Variants in RIPOR2 observed in about 807,000 individuals in gnomAD.
The protein encoded by RIPOR2 is rho family-interacting cell polarization regulator 2.
RIPOR2 carries 39 observed loss-of-function variants against 114.5 expected under a neutral mutation model. The ratio of observed to expected loss-of-function variants is 0.34; its 90% CI spans 0.26 to 0.44. The LOEUF is 0.44. Among genes scored for constraint, RIPOR2 ranks in the 20% least tolerant of loss-of-function variants. The pLI, the probability that RIPOR2 is intolerant of heterozygous loss-of-function variation, is 1.00. For missense variants in RIPOR2, 1,007 were observed against 1,255.1 expected (o/e 0.80, Z 2.99); for synonymous variants, 445 against 484.4 (o/e 0.92, Z 1.07).
At chr6:24,953,886 G>C (rs1772903108) in intron 1 of RIPOR2, among the ~76,000 whole-genome samples, 2 of 125,942 alleles carry the variant, frequency 1.6e-5, no homozygotes, top group African/African-American at 2.6e-5. Flanking sequence ...ATTTCTAAAG[G>C]CTCCCCTGTC....
intron 1 of RIPOR2, among the ~76,000 whole-genome samples, chr6:24,919,097 C>T (rs1382674590): frequency 6.6e-6 from 1 of 152,222 alleles, no homozygotes; most frequent in African/African-American, 2.4e-5. Flanking sequence ...ACAGCTTGCT[C>T]AACCCACAAA....
intron 1 of RIPOR2, among the ~76,000 whole-genome samples, chr6:24,964,661 T>G (rs994640754): frequency 6.6e-6 from 1 of 152,156 alleles, no homozygotes; most frequent in Non-Finnish European, 1.5e-5. Context: ...GGCTGAGGAG[T>G]GCTGATGTAC....
At chr6:24,824,364 T>C (rs1759971157) in intron 19 of RIPOR2, among the ~76,000 whole-genome samples, 1 of 152,204 alleles carries the variant, frequency 6.6e-6, no homozygotes, top group Non-Finnish European at 1.5e-5. Flanking sequence ...ACACAAACGT[T>C]CCATTACATA....
rs1401528252 is a variant in RIPOR2 at position 24,964,524 on chromosome 6, T to A, written c.76+77327A>T. ...GTATGGCTGGATATATACCATAGTT[T>A]GTTTAGCAATTCCCCTACTGGGAGA... On this transcript the variant is annotated intron_variant, in intron 1 of 13. Transcript: ENST00000510784. 3.3e-5 allele frequency among the ~76,000 whole-genome samples: 5 copies of A among 152,352 alleles called. No homozygotes were observed. In the East Asian group the frequency reaches 7.7e-4, roughly 24 times the overall value.
chr6:24,817,936 C>T (rs557646623), intron 20 of RIPOR2, among the ~76,000 whole-genome samples: 1 of 150,832 alleles, frequency 6.6e-6, no homozygotes, highest in South Asian at 2.1e-4. Context: ...CATCTCATCT[C>T]CCTTTTAAAA....
At chr6:24,915,464 C>T (rs1769999012) in intron 1 of RIPOR2, among the ~76,000 whole-genome samples, 1 of 151,832 alleles carries the variant, frequency 6.6e-6, no homozygotes, top group East Asian at 1.9e-4. Context: ...AAGTGATTCT[C>T]CTGCCTCACC....
chr6:24,991,007 G>T (rs1774786421), intron 1 of RIPOR2, among the ~76,000 whole-genome samples: 1 of 152,172 alleles, frequency 6.6e-6, no homozygotes, highest in Non-Finnish European at 1.5e-5. Context: ...TGACCCACAT[G>T]TTCTCTGTCC....
chr6:24,840,417 T>C, intron 13 of RIPOR2: 5 of 1,240,006 alleles, frequency 4.0e-6, no homozygotes, highest in Non-Finnish European at 5.1e-6. Context: ...GAGCATTCTA[T>C]AATGCTGGCC....
intron 1 of RIPOR2, among the ~76,000 whole-genome samples, chr6:24,990,436 G>A (rs1774756515): frequency 6.6e-6 from 1 of 152,214 alleles, no homozygotes; most frequent in Non-Finnish European, 1.5e-5. Flanking sequence ...GTGATACCTG[G>A]ATGCTCAGAG....
intron 1 of RIPOR2, among the ~76,000 whole-genome samples, chr6:24,894,394 T>G (rs1767652451): frequency 6.6e-6 from 1 of 152,238 alleles, no homozygotes; most frequent in South Asian, 2.1e-4. Context: ...ACAAGATTGT[T>G]AGCAGAACTG....
At chr6:24,880,468 T>A (rs1766237455) in intron 1 of RIPOR2, among the ~76,000 whole-genome samples, 3 of 152,166 alleles carry the variant, frequency 2.0e-5, no homozygotes, top group Admixed American at 2.0e-4. Context: ...TGAGTGGTAG[T>A]CAGAAACATT....
chr6:24,849,803 A>G lies in RIPOR2; in HGVS notation c.1033T>C (p.Tyr345His). 1 of 1,613,332 alleles carries G rather than the reference A, an allele frequency of 6.2e-7. No homozygotes were observed. The highest frequency in any genetic ancestry group is 8.5e-7 in the Non-Finnish European group (1 of 1,179,386). ...TIKLNLEITW[Y>H]PFDVEDMTAS... ...TGAAATAAAGGAAGAGGCACTTACTACCAGGTGATTTCCAGGTTCAGTTTG... is the reference window on the plus strand; with the variant it reads ...TGAAATAAAGGAAGAGGCACTTACTGCCAGGTGATTTCCAGGTTCAGTTTG... The change falls in exon 11 of 22, where the codon TAT becomes CAT. Residue 345 changes from tyrosine (Y) to histidine (H), a missense_variant and splice_region_variant. By Grantham distance (83) the Tyr-to-His change is moderately conservative. Transcript: ENST00000643898.
intron 1 of RIPOR2, among the ~76,000 whole-genome samples, chr6:24,917,890 C>T (rs1770199943): frequency 2.0e-5 from 3 of 152,154 alleles, no homozygotes; most frequent in Non-Finnish European, 2.9e-5. Flanking sequence ...TCCTTTTTCT[C>T]TCATGATCAG....
chr6:25,033,726 A>G (rs143188243), intron 1 of RIPOR2, among the ~76,000 whole-genome samples: 1 of 152,342 alleles, frequency 6.6e-6, no homozygotes, highest in African/African-American at 2.4e-5. Context: ...CACATCCTAC[A>G]GGCTCCCAAC....
intron 18 of RIPOR2, among the ~76,000 whole-genome samples, chr6:24,826,010 T>C (rs1760154763): frequency 7.0e-6 from 1 of 142,900 alleles, no homozygotes; most frequent in African/African-American, 2.5e-5. Context: ...CACTGCAACC[T>C]CCACCTCCTA....
intron 1 of RIPOR2, among the ~76,000 whole-genome samples, chr6:24,921,648 A>C (rs1770498312): frequency 6.8e-6 from 1 of 147,886 alleles, no homozygotes; most frequent in East Asian, 2.0e-4. Flanking sequence ...CATAACACTT[A>C]TCGCCCCCCC....
At chr6:24,981,438 C>T (rs1391788346) in intron 1 of RIPOR2, among the ~76,000 whole-genome samples, 1 of 152,144 alleles carries the variant, frequency 6.6e-6, no homozygotes, top group Non-Finnish European at 1.5e-5. Context: ...CTCTAGGGAA[C>T]ATTTCCTTGC....
At chr6:25,018,865 C>G (rs1392089608) in intron 1 of RIPOR2, among the ~76,000 whole-genome samples, 1 of 152,110 alleles carries the variant, frequency 6.6e-6, no homozygotes, top group Non-Finnish European at 1.5e-5. Context: ...TCCCCAATAA[C>G]TTTTCATTGA....
intron 19 of RIPOR2, among the ~76,000 whole-genome samples, chr6:24,823,293 G>T (rs1412212871): frequency 3.3e-5 from 5 of 152,146 alleles, no homozygotes. Flanking sequence ...TTCAGGCTTT[G>T]GGAGTCAAAC....
Sources: allele counts gnomAD v4.1 joint callset (sites outside exome capture counted in the v4.1 genomes callset), GRCh38; gene constraint gnomAD v4.1.1; transcripts MANE v1.5; gene names NCBI Gene and HGNC (gene_info 2026-07-23, HGNC 2026-07-21).